EPS8L1: variants seen among roughly 807,000 people sequenced by gnomAD.
EPS8L1 encodes EPS8 signaling adaptor L1.
EPS8L1 carries 101 observed loss-of-function variants against 91.7 expected under a neutral mutation model. That is an observed-to-expected ratio of 1.10 (90% CI 0.94 to 1.30). The LOEUF (loss-of-function observed/expected upper bound fraction) is 1.30, where lower values mean the gene tolerates loss of function less well. EPS8L1 is among the 50% of genes most tolerant of loss of function. The pLI is 0.00. For synonymous variants in EPS8L1, 506 were observed against 445.3 expected (o/e 1.14, Z -1.72); for missense variants, 1,114 against 1,017.0 (o/e 1.10, Z -1.30).
intron 14 of EPS8L1, chr19:55,084,406 T>TG (rs2076335920): frequency 6.6e-6 from 1 of 151,894 alleles, no homozygotes; most frequent in South Asian, 2.1e-4. Context: ...CTCTGGGTCC[T>TG]GGGGGAGGGA....
Position 55,081,558 on chromosome 19 carries a change from A to T in EPS8L1, c.774+66A>T. On this transcript the variant is annotated intron_variant, in intron 8 of 19. Coordinates refer to ENST00000201647, the MANE Select transcript of EPS8L1 (RefSeq NM_133180.3). This position sits in a 1 kb window ranked among gnomAD's most constrained non-coding sequence, Gnocchi z 4.9. The stretch of plus-strand genomic sequence containing the variant: ...ACTGGAGGCGGGGCTAGGGCGTGGA[A>T]GGGCGGGGCCGGCTGCGGGACGGGC... 1.5e-6 allele frequency: 2 copies of T among 1,316,268 alleles called. No homozygotes were observed. Among genetic ancestry groups the T allele is most frequent in the African/African-American group, 1.7e-5 (1 of 57,670 alleles). 81.5% of individuals were successfully genotyped at this position (1,316,268 alleles called of 1,614,324 possible). A position where few individuals can be genotyped will look rare whatever the true frequency, so the allele number is the denominator to read the frequency against.
chr19:55,082,141 C>A lies in EPS8L1; in HGVS notation c.951C>A (p.Thr317=). The A allele has an allele frequency of 6.2e-7, 1 of 1,604,144 alleles. No individual in the cohort carries two copies. The highest frequency in any genetic ancestry group is 8.5e-7 in the Non-Finnish European group (1 of 1,175,966). The change falls in exon 10 of 20, where the codon ACC becomes ACA. Residue 317 remains threonine (T), a synonymous_variant. Transcript: ENST00000201647. ...RAKPPSEAEY[T]DVLQKIKYAF... is the part of the protein sequence containing the mutation. Reference sequence around the variant, plus strand: ...AGCCGCCCTCGGAGGCCGAGTACACCGACGTGCTGCAGAAGATCAAGTACG... The same window carrying A: ...AGCCGCCCTCGGAGGCCGAGTACACAGACGTGCTGCAGAAGATCAAGTACG...
chr19:55,081,766 C>A lies in EPS8L1; in HGVS notation c.775-7C>A. On this transcript the variant is annotated splice_polypyrimidine_tract_variant and splice_region_variant and intron_variant, in intron 8 of 19. Transcript: ENST00000201647. This position sits in a 1 kb window ranked among gnomAD's most constrained non-coding sequence, Gnocchi z 4.9. Reference sequence around the variant, plus strand: ...AGCCCTGAGCGTCCCCCTCCTCTGTCCCCTAGGACATCCTGAACCACGTGT... The same window carrying A: ...AGCCCTGAGCGTCCCCCTCCTCTGTACCCTAGGACATCCTGAACCACGTGT... 1 of 1,606,830 alleles carries A rather than the reference C, an allele frequency of 6.2e-7. No individual in the cohort carries two copies. The highest frequency in any genetic ancestry group is 8.5e-7 in the Non-Finnish European group (1 of 1,175,508).
At chr19:55,082,409 T>C (rs752216045) in intron 11 of EPS8L1, 45 bp from the exon 12 acceptor site, 36 of 1,611,976 alleles carry the variant, frequency 2.2e-5, no homozygotes, top group Non-Finnish European at 2.9e-5. Flanking sequence ...GTTCGACTTG[T>C]AGAAGGTGTG....
intron 4 of EPS8L1, 41 bp downstream of exon 4, chr19:55,079,098 G>T (rs1241477298): frequency 1.5e-5 from 24 of 1,606,808 alleles, no homozygotes; most frequent in Non-Finnish European, 2.0e-5. Flanking sequence ...ATCTTCTGGG[G>T]CAAAGGTGGC....
chr19:55,087,141 C>A, intron 18 of EPS8L1, 162 bp from the exon 19 acceptor site: 1 of 1,204,452 alleles, frequency 8.3e-7, no homozygotes, highest in Non-Finnish European at 1.1e-6. Flanking sequence ...CCCCGGGTGG[C>A]AACATTGTGA....
chr19:55,086,023 A>C, intron 15 of EPS8L1, 38 bp from the exon 16 acceptor site: 1 of 1,600,582 alleles, frequency 6.2e-7, no homozygotes, highest in Non-Finnish European at 8.5e-7. Context: ...CCCTAGCTGC[A>C]GACAGGCTCT....
In EPS8L1 at chr19:55,086,391, G is replaced by A. The variant is rs1329267608; in HGVS notation, c.1651-1G>A. ...AGGTACTCTCCTCTCCTTCCTTTCA[G>A]AACAGCACTCCTCCTCCACCACCAG... On this transcript the variant is annotated splice_acceptor_variant, in intron 16 of 19. Coordinates refer to ENST00000201647, the MANE Select transcript of EPS8L1 (RefSeq NM_133180.3). LOFTEE classifies it high-confidence loss of function. 2 of 1,581,310 alleles carry A rather than the reference G, an allele frequency of 1.3e-6. No homozygotes were observed. The highest frequency in any genetic ancestry group is 2.7e-5 in the African/African-American group (2 of 74,642).
chr19:55,081,136 CT>C lies in EPS8L1; in HGVS notation c.513-91del. ...TTGAACTTGTTCACTCCCTTTGAGC[CT>C]TTTGAGCCTGTGTGTCTCGTTCTGC... On this transcript the variant is annotated intron_variant, in intron 7 of 19. Transcript: ENST00000201647. This position sits in a 1 kb window ranked among gnomAD's most constrained non-coding sequence, Gnocchi z 4.9. 6 of 1,391,514 alleles carry C rather than the reference CT, an allele frequency of 4.3e-6. No individual in the cohort carries two copies. In the South Asian group the frequency reaches 7.5e-5, roughly 17 times the overall value. The allele number at this position is 1,391,514 out of a possible 1,614,324, so 86.2% of individuals were successfully genotyped here. A position where few individuals can be genotyped will look rare whatever the true frequency, so the allele number is the denominator to read the frequency against.
At chr19:55,079,372 G>GT (rs2076204569) in intron 4 of EPS8L1, among the ~76,000 whole-genome samples, 1 of 152,174 alleles carries the variant, frequency 6.6e-6, no homozygotes, top group African/African-American at 2.4e-5. Flanking sequence ...GAGGCGCCTG[G>GT]TGCTCTAATG....
rs746955003 is a variant in EPS8L1, at chr19:55,082,467, CG to C, written c.1086del (p.Pro363ArgfsTer12). On this transcript the variant is annotated frameshift_variant, in exon 12 of 20. Coordinates refer to ENST00000201647, the MANE Select transcript of EPS8L1 (RefSeq NM_133180.3). LOFTEE classifies it high-confidence loss of function. ...FGPLQMIVNTSGGPEFASSVR... is the reference protein window; with the variant it reads ...FGPLQMIVNTXGGPEFASSVR... ...CTCCCCTGACAGATTGTGAACACGT[CG>C]GGGGGGCCGGAGTTCGCGAGCAGTG... 3.1e-6 allele frequency: 5 copies of C among 1,612,072 alleles called. No homozygotes were observed. The highest frequency in any genetic ancestry group is 3.4e-6 in the Non-Finnish European group (4 of 1,179,456).
chr19:55,078,176 G>T (rs10411094), intron 3 of EPS8L1, 48 bp downstream of exon 3: 3 of 1,586,254 alleles, frequency 1.9e-6, no homozygotes, highest in Non-Finnish European at 2.6e-6. Context: ...TGGGTCTAAA[G>T]AAACAGGACC....
In EPS8L1 at chr19:55,081,896, G is replaced by A; in HGVS notation, c.898G>A (p.Gly300Arg). The change falls in exon 9 of 20, where the codon GGG (glycine) becomes AGG (arginine). Residue 300 changes from glycine (G) to arginine (R), a missense_variant. By Grantham distance (125) the Gly-to-Arg change is moderately radical (BLOSUM62 -2). Transcript: ENST00000201647. The surrounding 1 kb of genome is among the most constrained non-coding windows in gnomAD (Gnocchi z 4.9). ...RGRRSRRRAA[G>R]EGLLTLRAKP... The stretch of plus-strand genomic sequence containing the variant: ...CCGCAGGAGCCGGCGCCGGGCGGCT[G>A]GGGGTAAGGGGCACCCTGGCGTGGG... 2 of 1,605,864 alleles carry A rather than the reference G, an allele frequency of 1.2e-6. No homozygotes were observed. Among genetic ancestry groups the A allele is most frequent in the Non-Finnish European group, 1.7e-6 (2 of 1,175,060 alleles).
At position 55,083,235 on chromosome 19, in the gene EPS8L1, C is replaced by T. The variant is rs1425512140; in HGVS notation, c.1215-143C>T. The T allele has an allele frequency of 1.2e-5, 14 of 1,128,832 alleles. No homozygotes were observed. Among genetic ancestry groups the T allele is most frequent in the East Asian group, 4.9e-5 (2 of 41,110 alleles). The allele number at this position is 1,128,832 out of a possible 1,614,324, so 69.9% of individuals were successfully genotyped here. On this transcript the variant is annotated intron_variant, in intron 12 of 19. Coordinates refer to ENST00000201647, the MANE Select transcript of EPS8L1 (RefSeq NM_133180.3). The surrounding 1 kb of genome is among the most constrained non-coding windows in gnomAD (Gnocchi z 4.7). ...GCTGTTGAGTTGGGCTTAGAGCTACCGGCAGGACTTGGTGAAAAGTGGCGG... is the reference window on the plus strand; with the variant it reads ...GCTGTTGAGTTGGGCTTAGAGCTACTGGCAGGACTTGGTGAAAAGTGGCGG...
chr19:55,081,484 C>T lies in EPS8L1; in HGVS notation c.766C>T (p.Arg256Trp). The T allele has an allele frequency of 1.3e-6, 2 of 1,583,904 alleles. No homozygotes were observed. Among genetic ancestry groups the T allele is most frequent in the Non-Finnish European group, 1.7e-6 (2 of 1,165,532 alleles). Residue 256 changes from arginine (R) to tryptophan (W), a missense_variant, in exon 8 of 20, where the codon CGG becomes TGG. Coordinates refer to ENST00000201647, the MANE Select transcript of EPS8L1 (RefSeq NM_133180.3). This position sits in a 1 kb window ranked among gnomAD's most constrained non-coding sequence, Gnocchi z 4.9. ...GPDLAVLQAE[R>W]EVDILNHVFD... is the part of the protein sequence containing the mutation. Reference sequence around the variant, plus strand: ...TGACCTGGCGGTTCTGCAGGCGGAGCGGGAAGTGGTGAGCCGCTAAGGAAG... The same window carrying T: ...TGACCTGGCGGTTCTGCAGGCGGAGTGGGAAGTGGTGAGCCGCTAAGGAAG...
In EPS8L1 at chr19:55,085,901, G is replaced by T. The variant is rs1175100039; in HGVS notation, c.1446G>T (p.Trp482Cys). The T allele has an allele frequency of 6.2e-7, 1 of 1,613,622 alleles. No homozygotes were observed. The highest frequency in any genetic ancestry group is 8.5e-7 in the Non-Finnish European group (1 of 1,179,806). ...PQLESETAGK[W>C]VLCNYDFQAR... ...TGGAGTCAGAGACAGCAGGAAAATG[G>T]GTCCTGTGTAATTATGACTTCCAGG... The change falls in exon 15 of 20, where the codon TGG becomes TGT. Residue 482 changes from tryptophan to cysteine, a missense_variant. Coordinates refer to ENST00000201647, the MANE Select transcript of EPS8L1 (RefSeq NM_133180.3).
At chr19:55,080,968 C>A in intron 7 of EPS8L1, 114 bp downstream of exon 7, 2 of 1,053,878 alleles carry the variant, frequency 1.9e-6, no homozygotes, top group Non-Finnish European at 2.7e-6. Context: ...TCAAGCACAC[C>A]CTAGTCGAGT....
Position 55,081,561 on chromosome 19 carries a change from G to A in EPS8L1, c.774+69G>A. ...GGAGGCGGGGCTAGGGCGTGGAAGG[G>A]CGGGGCCGGCTGCGGGACGGGCGTT... On this transcript the variant is annotated intron_variant, in intron 8 of 19. Transcript: ENST00000201647. This position sits in a 1 kb window ranked among gnomAD's most constrained non-coding sequence, Gnocchi z 4.9. 1 of 1,480,514 alleles carries A rather than the reference G, an allele frequency of 6.8e-7. No homozygotes were observed. Among genetic ancestry groups the A allele is most frequent in the Non-Finnish European group, 9.0e-7 (1 of 1,117,140 alleles). The allele number at this position is 1,480,514 out of a possible 1,614,324, so 91.7% of individuals were successfully genotyped here.
At chr19:55,080,544 G>T (rs1382491287) in intron 6 of EPS8L1, 1 of 1,612,426 alleles carries the variant, frequency 6.2e-7, no homozygotes. Flanking sequence ...AGGACGAGGT[G>T]GGGGCGAGGA....
Sources: allele counts gnomAD v4.1 joint callset (sites outside exome capture counted in the v4.1 genomes callset), GRCh38; gene constraint gnomAD v4.1.1; non-coding constraint Gnocchi (gnomAD v3.1); transcripts MANE v1.5; gene names NCBI Gene and HGNC (gene_info 2026-07-23, HGNC 2026-07-21).